The following NAALADL2 variants were observed in gnomAD, a reference collection of about 807,000 sequenced individuals.
The protein encoded by NAALADL2 is inactive N-acetylated-alpha-linked acidic dipeptidase-like protein 2.
Under a neutral mutation model 87.2 loss-of-function variants are expected in NAALADL2, and 76 were observed. That is an observed-to-expected ratio of 0.87 (90% CI 0.72 to 1.05). The LOEUF (loss-of-function observed/expected upper bound fraction) is 1.05, where lower values mean the gene tolerates loss of function less well. Ranked by LOEUF, NAALADL2 falls within the 50% of genes least tolerant of loss-of-function variation. NAALADL2 has a pLI of 0.00. For synonymous variants in NAALADL2, 354 were observed against 331.0 expected (o/e 1.07, Z -0.75); for missense variants, 1,089 against 945.8 (o/e 1.15, Z -1.99).
intron 4 of NAALADL2, among the ~76,000 whole-genome samples, chr3:175,267,564 C>T (rs1259838462): frequency 1.3e-5 from 2 of 152,052 alleles, no homozygotes; most frequent in Non-Finnish European, 2.9e-5. Context: ...TTTAAAAAGA[C>T]AGTTTATATC....
rs1341402150 is a variant in NAALADL2, at chr3:174,771,714, T to G, written c.-9+33968T>G. The stretch of plus-strand genomic sequence containing the variant: ...AGAGTGAAAGCTCTGACTTACTGTT[T>G]AGAAAGGTATCCATGAGTATGGTAC... On this transcript the variant is annotated intron_variant, in intron 3 of 3. Coordinates refer to the NAALADL2 transcript ENST00000434257. 5.9e-5 allele frequency among the ~76,000 whole-genome samples: 9 copies of G among 152,290 alleles called. No individual in the cohort carries two copies. The East Asian group carries it at 1.7e-3, about 29-fold the overall frequency.
chr3:174,521,133 T>G (rs1720254300), intron 1 of NAALADL2, among the ~76,000 whole-genome samples: 1 of 152,142 alleles, frequency 6.6e-6, no homozygotes, highest in Non-Finnish European at 1.5e-5. Flanking sequence ...ATGGAATTAT[T>G]TAATTCAGCA....
chr3:175,369,170 G>T (rs1045489678), intron 5 of NAALADL2, among the ~76,000 whole-genome samples: 5 of 152,160 alleles, frequency 3.3e-5, no homozygotes, highest in African/African-American at 1.2e-4. Context: ...CCTCATGTAT[G>T]TGATTTGTTC....
chr3:175,142,476 A>G (rs1730141922), intron 2 of NAALADL2, among the ~76,000 whole-genome samples: 1 of 152,046 alleles, frequency 6.6e-6, no homozygotes, highest in Admixed American at 6.6e-5. Context: ...TCTTAATTTT[A>G]CAAATGAGAA....
chr3:175,554,689 G>C (rs1321921704), intron 9 of NAALADL2, among the ~76,000 whole-genome samples: 1 of 151,602 alleles, frequency 6.6e-6, no homozygotes, highest in Admixed American at 6.6e-5. Context: ...TTTATTGTAG[G>C]GTTAACAACT....
At chr3:175,123,060 G>A (rs1465638984) in intron 2 of NAALADL2, among the ~76,000 whole-genome samples, 1 of 151,974 alleles carries the variant, frequency 6.6e-6, no homozygotes, top group African/African-American at 2.4e-5. Flanking sequence ...GCAAAGCCCT[G>A]TGGCCTAATC....
chr3:175,099,801 A>C (rs924028018), intron 2 of NAALADL2, among the ~76,000 whole-genome samples: 1 of 152,188 alleles, frequency 6.6e-6, no homozygotes, highest in African/African-American at 2.4e-5. Context: ...AATAGACTGC[A>C]GACTCTATAA....
chr3:174,678,653 C>T (rs1435100472), intron 2 of NAALADL2, among the ~76,000 whole-genome samples: 1 of 152,104 alleles, frequency 6.6e-6, no homozygotes, highest in African/African-American at 2.4e-5. Context: ...GTATGATAAG[C>T]CTGTGAAAAT....
chr3:174,821,028 C>T (rs1379988281), intron 3 of NAALADL2, among the ~76,000 whole-genome samples: 1 of 152,126 alleles, frequency 6.6e-6, no homozygotes, highest in Non-Finnish European at 1.5e-5. Flanking sequence ...TCAACATTCT[C>T]AAGTGCTTTC....
At chr3:175,555,871 C>T (rs150751232) in intron 9 of NAALADL2, among the ~76,000 whole-genome samples, 15 of 152,230 alleles carry the variant, frequency 9.9e-5, no homozygotes, top group African/African-American at 2.9e-4. Context: ...GGATTCTTAG[C>T]GGAAAATTTT....
At chr3:175,168,964 G>C (rs971318457) in intron 2 of NAALADL2, among the ~76,000 whole-genome samples, 9 of 151,696 alleles carry the variant, frequency 5.9e-5, no homozygotes, top group African/African-American at 1.7e-4. Flanking sequence ...ATTAGAGGAA[G>C]AGCAAAACAG....
intron 1 of NAALADL2, among the ~76,000 whole-genome samples, chr3:174,956,257 T>C (rs1355172421): frequency 6.6e-6 from 1 of 152,062 alleles, no homozygotes; most frequent in Non-Finnish European, 1.5e-5. Context: ...AATTTTGTCA[T>C]GGTAATCTTG....
rs561363871 is a variant in NAALADL2, at chr3:175,085,534, A to G, written c.44-11256A>G. The stretch of plus-strand genomic sequence containing the variant: ...ATTACTCAGGAAACAAAGAGACCTG[A>G]GTAACTTTATTTTTAAACCCTTTGC... On this transcript the variant is annotated intron_variant, in intron 1 of 13. Transcript: ENST00000454872. Among the ~76,000 whole-genome samples, 33 of 152,302 alleles carry G rather than the reference A, an allele frequency of 2.2e-4. No homozygotes were observed. In the South Asian group the frequency reaches 6.6e-3, roughly 31 times the overall value.
intron 2 of NAALADL2, among the ~76,000 whole-genome samples, chr3:175,224,676 T>C (rs1743901235): frequency 6.6e-6 from 1 of 152,138 alleles, no homozygotes; most frequent in African/African-American, 2.4e-5. Flanking sequence ...ATAGGAATAA[T>C]GTATATCAGA....
At chr3:175,675,751 A>G (rs1267507874) in intron 11 of NAALADL2, 1 of 152,192 alleles carries the variant, frequency 6.6e-6, no homozygotes, top group Non-Finnish European at 1.5e-5. Flanking sequence ...ATGAATACTC[A>G]TGACAGGTCA....
At chr3:175,154,567 A>G (rs1404502340) in intron 2 of NAALADL2, among the ~76,000 whole-genome samples, 1 of 149,594 alleles carries the variant, frequency 6.7e-6, no homozygotes, top group Non-Finnish European at 1.5e-5. Context: ...ATCCTAGTAC[A>G]TAGTGCTATG....
chr3:175,768,942 G>A, intron 13 of NAALADL2, among the ~76,000 whole-genome samples: 1 of 151,606 alleles, frequency 6.6e-6, no homozygotes, highest in Non-Finnish European at 1.5e-5. Context: ...TGATCATATT[G>A]TGAACCAAAA....
At chr3:175,778,207 C>T (rs1276182459) in intron 13 of NAALADL2, among the ~76,000 whole-genome samples, 1 of 152,148 alleles carries the variant, frequency 6.6e-6, no homozygotes, top group African/African-American at 2.4e-5. Context: ...CTGTGAAGCA[C>T]AGTCCAGAGT....
intron 1 of NAALADL2, among the ~76,000 whole-genome samples, chr3:174,908,021 GT>G (rs35051279): frequency 0.022 from 1,781 of 82,578 alleles, 3 homozygotes; most frequent in Non-Finnish European, 0.027. Flanking sequence ...AGAGAAGTTG[GT>G]TTTTTTTTTT....
Sources: allele counts gnomAD v4.1 joint callset (sites outside exome capture counted in the v4.1 genomes callset), GRCh38; gene constraint gnomAD v4.1.1; transcripts MANE v1.5; gene names NCBI Gene and HGNC (gene_info 2026-07-23, HGNC 2026-07-21).